The following ZMAT4 variants were observed in gnomAD, a reference collection of about 807,000 sequenced individuals.
The protein encoded by ZMAT4 is zinc finger matrin-type 4.
A neutral mutation model predicts 28.7 loss-of-function variants in ZMAT4; 17 were observed. That is an observed-to-expected ratio of 0.59 (90% CI 0.41 to 0.89). ZMAT4 has a LOEUF of 0.89. Ranked by LOEUF, ZMAT4 falls within the 40% of genes least tolerant of loss-of-function variation. The probability of loss-of-function intolerance (pLI) is 0.00; values close to 1 mark genes in which losing one functional copy is unlikely to be tolerated. For synonymous variants in ZMAT4, 117 were observed against 109.2 expected, an observed-to-expected ratio of 1.07 and a Z score of -0.44; for missense variants, 240 against 283.8, an observed-to-expected ratio of 0.85 and a Z score of 1.11.
At chr8:40,806,302 T>C (rs766190956) in intron 2 of ZMAT4, among the ~76,000 whole-genome samples, 8 of 152,252 alleles carry the variant, frequency 5.3e-5, no homozygotes, top group Non-Finnish European at 8.8e-5. Flanking sequence ...CATCATAGTT[T>C]TCCTTTGTTT....
intron 1 of ZMAT4, among the ~76,000 whole-genome samples, chr8:40,859,351 T>C (rs966543059): frequency 3.3e-5 from 5 of 152,188 alleles, no homozygotes; most frequent in Admixed American, 1.3e-4. Flanking sequence ...TTCCTTTGCT[T>C]CTGCCCTTTT....
chr8:40,535,937 G>T (rs1384979243), intron 6 of ZMAT4, among the ~76,000 whole-genome samples: 1 of 152,146 alleles, frequency 6.6e-6, no homozygotes, highest in Non-Finnish European at 1.5e-5. Flanking sequence ...ATGGGCCATG[G>T]TTTACATGAA....
intron 2 of ZMAT4, among the ~76,000 whole-genome samples, chr8:40,815,974 T>C (rs1416758025): frequency 1.3e-5 from 2 of 152,084 alleles, no homozygotes; most frequent in Non-Finnish European, 2.9e-5. Flanking sequence ...CAGTCTTTCC[T>C]CTCCTTCTCT....
chr8:40,768,273 A>G (rs1363894403), intron 2 of ZMAT4, among the ~76,000 whole-genome samples: 2 of 152,220 alleles, frequency 1.3e-5, no homozygotes, highest in Non-Finnish European at 2.9e-5. Flanking sequence ...ATTGTATGTC[A>G]GTCTGCGGAC....
chr8:40,742,970 G>A (rs1812075788), intron 3 of ZMAT4, among the ~76,000 whole-genome samples: 1 of 152,056 alleles, frequency 6.6e-6, no homozygotes, highest in South Asian at 2.1e-4. Flanking sequence ...CTAGCACTTT[G>A]GGAGGCTGAG....
intron 5 of ZMAT4, among the ~76,000 whole-genome samples, chr8:40,649,517 G>A (rs947906787): frequency 6.6e-6 from 1 of 152,040 alleles, no homozygotes. Context: ...ACAGATCAAC[G>A]AGACAGAAAG....
chr8:40,821,264 T>C (rs1815818130), intron 2 of ZMAT4, among the ~76,000 whole-genome samples: 1 of 148,980 alleles, frequency 6.7e-6, no homozygotes, highest in Non-Finnish European at 1.5e-5. Flanking sequence ...ACAAATGGCC[T>C]CCCTGGGAAA....
intron 1 of ZMAT4, among the ~76,000 whole-genome samples, chr8:40,835,424 A>G (rs1816442430): frequency 6.6e-6 from 1 of 152,224 alleles, no homozygotes; most frequent in African/African-American, 2.4e-5. Context: ...AGAAAAGCCT[A>G]CGTGGGTCCC....
chr8:40,773,136 A>G (rs547169483), intron 2 of ZMAT4, among the ~76,000 whole-genome samples: 3 of 152,346 alleles, frequency 2.0e-5, no homozygotes, highest in African/African-American at 7.2e-5. Context: ...TCTTTTCCAA[A>G]TGGATGTATC....
intron 1 of ZMAT4, among the ~76,000 whole-genome samples, chr8:40,889,863 C>T (rs1218960448): frequency 6.6e-6 from 1 of 152,148 alleles, no homozygotes; most frequent in African/African-American, 2.4e-5. Flanking sequence ...AGGATAAATT[C>T]CTAGAAGAGG....
intron 4 of ZMAT4, among the ~76,000 whole-genome samples, chr8:40,687,389 G>T (rs964282450): frequency 6.6e-6 from 1 of 152,086 alleles, no homozygotes; most frequent in Admixed American, 6.6e-5. Context: ...CTGGGAGGTT[G>T]GTAGAATTAA....
chr8:40,759,155 G>T (rs1812819510), intron 3 of ZMAT4, among the ~76,000 whole-genome samples: 1 of 151,824 alleles, frequency 6.6e-6, no homozygotes, highest in Non-Finnish European at 1.5e-5. Context: ...GGAGGTGCGG[G>T]CCTGTAATCC....
At chr8:40,658,639 C>T (rs895119889) in intron 5 of ZMAT4, among the ~76,000 whole-genome samples, 48 of 151,646 alleles carry the variant, frequency 3.2e-4, no homozygotes, top group East Asian at 5.8e-4. Context: ...CACACACACA[C>T]ACACACACAC....
At chr8:40,777,462 T>C (rs1004370516) in intron 2 of ZMAT4, among the ~76,000 whole-genome samples, 1 of 152,202 alleles carries the variant, frequency 6.6e-6, no homozygotes, top group Non-Finnish European at 1.5e-5. Context: ...GAGAGCCCTT[T>C]TCCTGTTGCC....
intron 6 of ZMAT4, among the ~76,000 whole-genome samples, chr8:40,547,363 G>T (rs530813972): frequency 1.2e-4 from 18 of 152,300 alleles, no homozygotes; most frequent in Admixed American, 1.0e-3. Context: ...AGTTTTGAAA[G>T]CAGCAGCTCG....
At chr8:40,785,055 A>G (rs373553635) in intron 2 of ZMAT4, among the ~76,000 whole-genome samples, 1 of 152,216 alleles carries the variant, frequency 6.6e-6, no homozygotes, top group African/African-American at 2.4e-5. Flanking sequence ...TTTTCCTCGC[A>G]CCCAAGATCA....
At chr8:40,660,991 G>A (rs1345746004) in intron 5 of ZMAT4, among the ~76,000 whole-genome samples, 1 of 152,146 alleles carries the variant, frequency 6.6e-6, no homozygotes, top group Non-Finnish European at 1.5e-5. Flanking sequence ...TGGCATCTTG[G>A]TATTCCAGGG....
At chr8:40,721,606 G>A (rs13265297) in intron 3 of ZMAT4, among the ~76,000 whole-genome samples, 36,934 of 141,760 alleles carry the variant, frequency 0.26, 5,550 homozygotes, top group East Asian at 0.55. Context: ...CAGTGTAAAA[G>A]TGTTCCTATT....
chr8:40,650,479 C>T (rs1483204602), intron 5 of ZMAT4, among the ~76,000 whole-genome samples: 8 of 111,524 alleles, frequency 7.2e-5, no homozygotes, highest in African/African-American at 1.5e-4. Flanking sequence ...GGATTCACAG[C>T]TGAATTCTAC....
Sources: gnomAD v4.1 joint callset for allele counts (sites outside exome capture counted in the v4.1 genomes callset) on GRCh38, gnomAD v4.1.1 for gene constraint, MANE v1.5 for transcripts, NCBI Gene and HGNC (gene_info 2026-07-23, HGNC 2026-07-21) for gene names.